The following ZYG11B variants were observed in gnomAD, a reference collection of about 807,000 sequenced individuals.
The protein encoded by ZYG11B is zyg-11 family member B, cell cycle regulator.
In ZYG11B, 36 loss-of-function variants were observed where a neutral mutation model predicts 82.4. That is an observed-to-expected ratio of 0.44 (90% CI 0.33 to 0.58). The LOEUF is 0.58. Ranked by LOEUF, ZYG11B falls within the 20% of genes least tolerant of loss-of-function variation. The probability of loss-of-function intolerance (pLI) is 0.02; values close to 1 mark genes in which losing one functional copy is unlikely to be tolerated. For missense variants in ZYG11B, 552 were observed against 895.6 expected, an observed-to-expected ratio of 0.62 and a Z score of 4.90; for synonymous variants, 303 against 312.8, an observed-to-expected ratio of 0.97 and a Z score of 0.33.
At chr1:52,776,229 A>AAAAAAAAAAAAAAAATATAT in intron 3 of ZYG11B, among the ~76,000 whole-genome samples, 1 of 23,544 alleles carries the variant, frequency 4.2e-5, no homozygotes, top group African/African-American at 9.5e-5. Context: ...TAAAAAAAAA[A>AAAAAAAAAAAAAAAATATAT]ATATATATAT....
At chr1:52,797,273 A>AT (rs576273107) in intron 8 of ZYG11B, among the ~76,000 whole-genome samples, 1,346 of 85,516 alleles carry the variant, frequency 0.016, 49 homozygotes, top group African/African-American at 0.068. Flanking sequence ...TATTATATAT[A>AT]AAATATTTAT....
chr1:52,804,699 T>C (rs1008714179), intron 10 of ZYG11B, among the ~76,000 whole-genome samples: 1 of 152,304 alleles, frequency 6.6e-6, no homozygotes, highest in Middle Eastern at 3.4e-3. Context: ...CTCTAGGATT[T>C]TGAGACAAAG....
intron 1 of ZYG11B, among the ~76,000 whole-genome samples, chr1:52,753,081 C>G (rs1224375573): frequency 2.0e-5 from 3 of 152,150 alleles, no homozygotes; most frequent in African/African-American, 7.2e-5. Context: ...CACCTGACCT[C>G]ATGATCCACC....
chr1:52,765,179 A>G (rs1355092040), intron 2 of ZYG11B, among the ~76,000 whole-genome samples: 1 of 150,888 alleles, frequency 6.6e-6, no homozygotes, highest in African/African-American at 2.4e-5. Context: ...GAGCCACCAC[A>G]TCCAGCCTAT....
At chr1:52,792,185 G>A (rs1026725961) in intron 6 of ZYG11B, among the ~76,000 whole-genome samples, 3 of 152,116 alleles carry the variant, frequency 2.0e-5, no homozygotes, top group African/African-American at 7.2e-5. Context: ...TCATCTCTTT[G>A]TCTCTAGTGC....
intron 10 of ZYG11B, among the ~76,000 whole-genome samples, chr1:52,809,532 G>T (rs1048589887): frequency 1.3e-5 from 2 of 152,138 alleles, no homozygotes; most frequent in African/African-American, 4.8e-5. Flanking sequence ...ATGGGGTATA[G>T]TTCCAGAAAT....
rs577716951 is a variant in ZYG11B at position 52,824,537 on chromosome 1, G to C, written c.*2908G>C. 2 of 152,068 alleles carry C rather than the reference G, an allele frequency of 1.3e-5. No individual in the cohort carries two copies. Among genetic ancestry groups the C allele is most frequent in the South Asian group, 4.2e-4 (2 of 4,796 alleles). 9.4% of individuals were successfully genotyped at this position (152,068 alleles called of 1,614,324 possible). ...ACCTGTAATCCCAGCTACTCAGGAGGCTGAGGCAGGAGAATCGCTTGAACC... is the reference window on the plus strand; with the variant it reads ...ACCTGTAATCCCAGCTACTCAGGAGCCTGAGGCAGGAGAATCGCTTGAACC... On this transcript the variant is annotated 3_prime_UTR_variant, in exon 14 of 14. Transcript: ENST00000294353.
intron 1 of ZYG11B, among the ~76,000 whole-genome samples, chr1:52,736,461 TC>T (rs1201009466): frequency 6.6e-6 from 1 of 151,950 alleles, no homozygotes; most frequent in Non-Finnish European, 1.5e-5. Flanking sequence ...TTCTTTTTTT[TC>T]TTTTTTTTGA....
At chr1:52,776,229 A>AAATATATATATATATATATATATATATAT in intron 3 of ZYG11B, among the ~76,000 whole-genome samples, 5 of 23,540 alleles carry the variant, frequency 2.1e-4, no homozygotes, top group Admixed American at 1.6e-3. Flanking sequence ...TAAAAAAAAA[A>AAATATATATATATATATATATATATATAT]ATATATATAT....
intron 1 of ZYG11B, among the ~76,000 whole-genome samples, chr1:52,747,666 C>T (rs1644488670): frequency 6.6e-6 from 1 of 152,002 alleles, no homozygotes; most frequent in Admixed American, 6.6e-5. Flanking sequence ...GTTCCTTCTA[C>T]TTGAAGAGTT....
At position 52,826,293 on chromosome 1, in the gene ZYG11B, T is replaced by C. The variant is rs1357031985; in HGVS notation, c.*4664T>C. 2 of 152,190 alleles carry C rather than the reference T, an allele frequency of 1.3e-5. No individual in the cohort carries two copies. Among genetic ancestry groups the C allele is most frequent in the Admixed American group, 1.3e-4 (2 of 15,270 alleles). The allele number at this position is 152,190 out of a possible 1,614,324, so 9.4% of individuals were successfully genotyped here. A position where few individuals can be genotyped will look rare whatever the true frequency, so the allele number is the denominator to read the frequency against. ...ACTTTTGGTTTCCCTCTCAAATCCA[T>C]GGTAGTAGTTTCAAATGAGTTTGTG... On this transcript the variant is annotated 3_prime_UTR_variant, in exon 14 of 14. Transcript: ENST00000294353.
In ZYG11B at chr1:52,766,389, C is replaced by T. The variant is rs536851166; in HGVS notation, c.197-4631C>T. ...CTGCCTTGGCCTCCCAAAGTGCCAC[C>T]GCGCCTGGTCTGTTACTCATTTTTT... On this transcript the variant is annotated intron_variant, in intron 2 of 13. Transcript: ENST00000294353. Among the ~76,000 whole-genome samples the T allele has an allele frequency of 9.9e-5, 15 of 151,402 alleles. No individual in the cohort carries two copies. The East Asian group carries it at 2.5e-3, about 26-fold the overall frequency.
intron 1 of ZYG11B, among the ~76,000 whole-genome samples, chr1:52,733,928 A>G (rs1644356546): frequency 6.6e-6 from 1 of 152,206 alleles, no homozygotes; most frequent in African/African-American, 2.4e-5. Context: ...TTCTATTTTT[A>G]TAAAGGAGAA....
chr1:52,807,468 A>G lies in ZYG11B; in HGVS notation c.1695+5329A>G, dbSNP rs76007501. 6.3e-3 allele frequency among the ~76,000 whole-genome samples: 938 copies of G among 149,990 alleles called. 6 individuals are homozygous for G. Among genetic ancestry groups the G allele is most frequent in the Middle Eastern group, 0.017 (5 of 288 alleles). ...ATAATCCCTAAATTAATAATAATGT[A>G]TAGTTCAGAATTGCTAAGAGTACTT... On this transcript the variant is annotated intron_variant, in intron 10 of 13. Coordinates refer to ENST00000294353, the MANE Select transcript of ZYG11B (RefSeq NM_024646.3).
Position 52,726,545 on chromosome 1 carries a change from G to A in ZYG11B, c.-109G>A. 3 of 1,128,316 alleles carry A rather than the reference G, an allele frequency of 2.7e-6. No individual in the cohort carries two copies. Among genetic ancestry groups the A allele is most frequent in the Non-Finnish European group, 2.3e-6 (2 of 868,734 alleles). The allele number at this position is 1,128,316 out of a possible 1,614,324, so 69.9% of individuals were successfully genotyped here. ...CTTGAGGGAAAGAGGCCGAGGCCTGGGCCAAGCCCGGAGCCGCCGCTCGCC... is the reference window on the plus strand; with the variant it reads ...CTTGAGGGAAAGAGGCCGAGGCCTGAGCCAAGCCCGGAGCCGCCGCTCGCC... On this transcript the variant is annotated 5_prime_UTR_variant, in exon 1 of 14. Coordinates refer to ENST00000294353, the MANE Select transcript of ZYG11B (RefSeq NM_024646.3).
At position 52,816,583 on chromosome 1, in the gene ZYG11B, T is replaced by C. The variant is rs12065861; in HGVS notation, c.1998T>C (p.Val666=). Residue 666 remains valine, a synonymous_variant, in exon 13 of 14, where the codon GTT becomes GTC. Transcript: ENST00000294353. The part of the protein sequence containing the change: ...PLLGCFTTPG[V]QLWAVWAMQH... ...TTGGCTGTTTCACAACACCAGGAGT[T>C]CAGCTATGGGCAGTTTGGGCCATGC... The C allele has an allele frequency of 7.1e-3, 11,399 of 1,613,332 alleles. 640 individuals are homozygous for C. The African/African-American group carries it at 0.13, about 18-fold the overall frequency.
chr1:52,816,762 T>G, intron 13 of ZYG11B, 133 bp downstream of exon 13: 1 of 660,752 alleles, frequency 1.5e-6, no homozygotes, highest in Non-Finnish European at 2.6e-6. Context: ...CCATCTTAGG[T>G]TATAAACTTA....
chr1:52,815,456 A>T lies in ZYG11B; in HGVS notation c.1947-1076A>T, dbSNP rs146061713. Among the ~76,000 whole-genome samples the T allele has an allele frequency of 6.8e-3, 1,034 of 152,220 alleles. 13 individuals are homozygous for T. Among genetic ancestry groups the T allele is most frequent in the African/African-American group, 0.024 (993 of 41,534 alleles). On this transcript the variant is annotated intron_variant, in intron 12 of 13. Coordinates refer to ENST00000294353, the MANE Select transcript of ZYG11B (RefSeq NM_024646.3). ...AGCAACATAGTGAGACCCCGTCTCT[A>T]CAAAAAATAAAAAATTAGCCAGTTG... is the stretch of plus-strand genomic sequence containing the variant.
At chr1:52,773,803 C>T (rs1423777270) in intron 3 of ZYG11B, among the ~76,000 whole-genome samples, 3 of 150,422 alleles carry the variant, frequency 2.0e-5, no homozygotes, top group Non-Finnish European at 3.0e-5. Flanking sequence ...CCACCATGCC[C>T]GGCTAAGTTT....
Sources: allele counts gnomAD v4.1 joint callset (sites outside exome capture counted in the v4.1 genomes callset), GRCh38; gene constraint gnomAD v4.1.1; transcripts MANE v1.5; gene names NCBI Gene and HGNC (gene_info 2026-07-23, HGNC 2026-07-21).